The following LRMDA variants were observed in gnomAD, a reference collection of about 807,000 sequenced individuals.
The protein encoded by LRMDA is leucine-rich melanocyte differentiation-associated protein.
In LRMDA, 18 loss-of-function variants were observed where a neutral mutation model predicts 29.8. The observed-to-expected ratio is 0.60, with a 90% confidence interval of 0.42 to 0.90. LRMDA has a LOEUF of 0.90. Ranked by LOEUF, LRMDA falls within the 40% of genes least tolerant of loss-of-function variation. LRMDA has a pLI of 0.00. For synonymous variants in LRMDA, 125 were observed against 109.4 expected, an observed-to-expected ratio of 1.14 and a Z score of -0.89; for missense variants, 273 against 273.9, an observed-to-expected ratio of 1.00 and a Z score of 0.02.
At chr10:75,817,673 C>T (rs1458787509) in intron 2 of LRMDA, among the ~76,000 whole-genome samples, 2 of 152,274 alleles carry the variant, frequency 1.3e-5, no homozygotes, top group East Asian at 1.9e-4. Flanking sequence ...AAAGAGAAGA[C>T]ACACATCTAC....
At chr10:76,357,268 G>C (rs1247423777) in intron 6 of LRMDA, among the ~76,000 whole-genome samples, 1 of 152,162 alleles carries the variant, frequency 6.6e-6, no homozygotes, top group Admixed American at 6.5e-5. Context: ...GGGGATCTGA[G>C]TGGGACTCAG....
intron 6 of LRMDA, among the ~76,000 whole-genome samples, chr10:76,450,973 G>C (rs1434839153): frequency 1.3e-5 from 2 of 152,130 alleles, no homozygotes; most frequent in African/African-American, 2.4e-5. Context: ...TCCTATTCTA[G>C]ATGATATTGT....
chr10:75,965,305 T>A (rs933853559), intron 2 of LRMDA, among the ~76,000 whole-genome samples: 1 of 152,230 alleles, frequency 6.6e-6, no homozygotes, highest in Non-Finnish European at 1.5e-5. Context: ...TTAGTAATCT[T>A]ACTGAGTAAC....
At chr10:75,520,046 C>T (rs1325042438) in intron 2 of LRMDA, among the ~76,000 whole-genome samples, 2 of 152,204 alleles carry the variant, frequency 1.3e-5, no homozygotes, top group African/African-American at 4.8e-5. Flanking sequence ...GCTGAGAGAT[C>T]CACTGTTAGT....
chr10:75,820,306 C>T (rs989444313), intron 2 of LRMDA, among the ~76,000 whole-genome samples: 7 of 152,108 alleles, frequency 4.6e-5, no homozygotes, highest in Non-Finnish European at 7.4e-5. Flanking sequence ...TGTCAAGTAC[C>T]GTCTCAGACT....
intron 2 of LRMDA, among the ~76,000 whole-genome samples, chr10:75,632,499 C>G (rs866974991): frequency 3.3e-5 from 5 of 152,058 alleles, no homozygotes; most frequent in African/African-American, 4.8e-5. Flanking sequence ...GATGGCTTTC[C>G]TAATAAACTC....
rs556779726 is a variant in LRMDA at position 75,737,298 on chromosome 10, C to T, written c.132-298710C>T. Among the ~76,000 whole-genome samples, 335 of 152,318 alleles carry T rather than the reference C, an allele frequency of 2.2e-3. 1 individual carries two copies. The highest frequency in any genetic ancestry group is 3.4e-3 in the Middle Eastern group (1 of 294). On this transcript the variant is annotated intron_variant, in intron 2 of 6. Coordinates refer to ENST00000611255, the MANE Select transcript of LRMDA (RefSeq NM_001305581.2). ...AACTCTCTCAGTAAAGTAAGGAATG[C>T]GTCAGATGTGCTCAGCAATGAGAAA...
chr10:76,517,727 A>AT (rs1413764700), intron 6 of LRMDA, among the ~76,000 whole-genome samples: 1 of 152,022 alleles, frequency 6.6e-6, no homozygotes, highest in East Asian at 1.9e-4. Context: ...TAATTTGTAG[A>AT]TTTTCACAAA....
At chr10:76,128,451 C>T (rs966912189) in intron 5 of LRMDA, among the ~76,000 whole-genome samples, 14 of 152,138 alleles carry the variant, frequency 9.2e-5, no homozygotes, top group Non-Finnish European at 1.8e-4. Context: ...GACGTCAGCC[C>T]GTGCAACTCT....
intron 2 of LRMDA, among the ~76,000 whole-genome samples, chr10:75,821,110 T>A (rs1844149855): frequency 6.6e-6 from 1 of 152,270 alleles, no homozygotes; most frequent in South Asian, 2.1e-4. Flanking sequence ...TACCAATCTT[T>A]ACTAAAACTG....
chr10:75,824,049 T>C (rs142556625), intron 2 of LRMDA, among the ~76,000 whole-genome samples: 1 of 152,108 alleles, frequency 6.6e-6, no homozygotes, highest in Non-Finnish European at 1.5e-5. Flanking sequence ...TGTGCACTAT[T>C]TGGGTGATGG....
chr10:76,506,052 A>T (rs1450221188), intron 6 of LRMDA, among the ~76,000 whole-genome samples: 1 of 152,100 alleles, frequency 6.6e-6, no homozygotes, highest in African/African-American at 2.4e-5. Flanking sequence ...CATTTGACAA[A>T]TCTATGCAGG....
At chr10:75,904,752 G>A (rs1024263676) in intron 2 of LRMDA, among the ~76,000 whole-genome samples, 4 of 152,160 alleles carry the variant, frequency 2.6e-5, no homozygotes, top group East Asian at 1.9e-4. Context: ...TTTCAAAGCC[G>A]TTATTCTAAT....
chr10:76,541,757 A>C (rs111982810), intron 6 of LRMDA, among the ~76,000 whole-genome samples: 3,065 of 152,192 alleles, frequency 0.02, 53 homozygotes, highest in South Asian at 0.098. Flanking sequence ...AGTCCAGAGT[A>C]GTTTAAAACG....
intron 2 of LRMDA, among the ~76,000 whole-genome samples, chr10:75,529,023 AAGG>A (rs1300474410): frequency 6.6e-6 from 1 of 152,200 alleles, no homozygotes; most frequent in African/African-American, 2.4e-5. Flanking sequence ...GGGGAGAAAA[AAGG>A]AGCAGTCTCA....
At chr10:76,135,383 C>G (rs1317967970) in intron 5 of LRMDA, among the ~76,000 whole-genome samples, 1 of 152,192 alleles carries the variant, frequency 6.6e-6, no homozygotes, top group Non-Finnish European at 1.5e-5. Context: ...TCCTATGCAC[C>G]ACAATGAATG....
chr10:76,482,706 G>T lies in LRMDA; in HGVS notation c.602-74503G>T, dbSNP rs78032991. Among the ~76,000 whole-genome samples the T allele has an allele frequency of 9.5e-3, 1,439 of 152,020 alleles. 21 individuals carry two copies. The highest frequency in any genetic ancestry group is 0.033 in the African/African-American group (1,384 of 41,510). On this transcript the variant is annotated intron_variant, in intron 6 of 6. Coordinates refer to ENST00000611255, the MANE Select transcript of LRMDA (RefSeq NM_001305581.2). ...ATATATCCCTGCTGAGAAAACACAAGGTCTTGCTGTGAATAGAATGTGCAT... is the reference window on the plus strand; with the variant it reads ...ATATATCCCTGCTGAGAAAACACAATGTCTTGCTGTGAATAGAATGTGCAT...
At chr10:76,504,134 A>C (rs540543983) in intron 6 of LRMDA, among the ~76,000 whole-genome samples, 2 of 151,838 alleles carry the variant, frequency 1.3e-5, no homozygotes, top group African/African-American at 2.4e-5. Flanking sequence ...GTATTTGTAT[A>C]GTTTTGAGAG....
intron 2 of LRMDA, among the ~76,000 whole-genome samples, chr10:75,726,140 T>A (rs895008144): frequency 1.3e-5 from 2 of 152,318 alleles, no homozygotes; most frequent in East Asian, 1.9e-4. Context: ...AGATGCCCTG[T>A]ATGTGGAAGG....
Sources: gnomAD v4.1 joint callset for allele counts (sites outside exome capture counted in the v4.1 genomes callset) on GRCh38, gnomAD v4.1.1 for gene constraint, MANE v1.5 for transcripts, NCBI Gene and HGNC (gene_info 2026-07-23, HGNC 2026-07-21) for gene names.